RYR2: variants seen among roughly 807,000 people sequenced by gnomAD.
The protein encoded by RYR2 is cardiac muscle ryanodine receptor-calcium release channel.
Under a neutral mutation model 601.1 loss-of-function variants are expected in RYR2, and 227 were observed. The ratio of observed to expected loss-of-function variants is 0.38; its 90% confidence interval spans 0.34 to 0.42. RYR2 has a LOEUF of 0.42. RYR2 is among the 10% of genes least tolerant of loss of function. The pLI is 1.00. For synonymous variants in RYR2, 2,223 were observed against 2,175.1 expected (o/e 1.02, Z -0.61); for missense variants, 4,646 against 6,156.5 (o/e 0.75, Z 8.21).
At position 237,483,222 on chromosome 1, in the gene RYR2, C is replaced by T. The variant is rs115064837; in HGVS notation, c.1709-8584C>T. Among the ~76,000 whole-genome samples the T allele has an allele frequency of 3.8e-3, 583 of 152,282 alleles. 3 individuals are homozygous for T. The highest frequency in any genetic ancestry group is 0.013 in the African/African-American group (546 of 41,550). On this transcript the variant is annotated intron_variant, in intron 17 of 104. Transcript: ENST00000366574. The stretch of plus-strand genomic sequence containing the variant: ...CCATTCAGCATTTCTCTACCTCTTA[C>T]GACTATCATCACTGCTCCACAAAGG...
At chr1:237,715,721 A>T (rs1689214595) in intron 71 of RYR2, among the ~76,000 whole-genome samples, 1 of 152,152 alleles carries the variant, frequency 6.6e-6, no homozygotes, top group Admixed American at 6.5e-5. Flanking sequence ...GAAAACTCCA[A>T]ACCAATACAA....
At position 237,312,447 on chromosome 1, in the gene RYR2, C is replaced by T. The variant is rs528324300; in HGVS notation, c.169-18431C>T. Among the ~76,000 whole-genome samples the T allele has an allele frequency of 7.2e-4, 109 of 152,276 alleles. No individual in the cohort carries two copies. In the Middle Eastern group the frequency reaches 0.01, roughly 14 times the overall value. On this transcript the variant is annotated intron_variant, in intron 2 of 104. Coordinates refer to ENST00000366574, the MANE Select transcript of RYR2 (RefSeq NM_001035.3). ...GAATTTTACAAAAAGTTAAGTGTCC[C>T]GCACTTGCAGTAATAATCTGGAGCT...
At chr1:237,190,501 C>T (rs902256364) in intron 1 of RYR2, among the ~76,000 whole-genome samples, 1 of 151,956 alleles carries the variant, frequency 6.6e-6, no homozygotes, top group African/African-American at 2.4e-5. Context: ...GGTATTAATT[C>T]CTTATCAGAT....
chr1:237,353,659 T>C (rs1036763807), intron 3 of RYR2, among the ~76,000 whole-genome samples: 3 of 152,144 alleles, frequency 2.0e-5, no homozygotes, highest in Non-Finnish European at 4.4e-5. Flanking sequence ...TAAATAACTG[T>C]TGTTTCTTTT....
intron 1 of RYR2, among the ~76,000 whole-genome samples, chr1:237,089,980 G>A (rs866855917): frequency 2.0e-5 from 3 of 152,262 alleles, no homozygotes; most frequent in African/African-American, 7.2e-5. Flanking sequence ...CACATGGCTG[G>A]GGAAGCCTCA....
At position 237,589,587 on chromosome 1, in the gene RYR2, G is replaced by A. The variant is rs529888898; in HGVS notation, c.3599-206G>A. On this transcript the variant is annotated intron_variant, in intron 29 of 104. Transcript: ENST00000366574. ...GGGACTTATCTAGGGCCCACAGCTA[G>A]TAAATTATAATGTCAAGATCAAATC... Among the ~76,000 whole-genome samples the A allele has an allele frequency of 5.3e-5, 8 of 152,262 alleles. No homozygotes were observed. In the South Asian group the frequency reaches 1.5e-3, roughly 28 times the overall value.
intron 48 of RYR2, among the ~76,000 whole-genome samples, chr1:237,645,827 AC>A (rs1416753105): frequency 4.0e-5 from 6 of 149,372 alleles, no homozygotes; most frequent in African/African-American, 1.2e-4. Flanking sequence ...ATGAAAGTTA[AC>A]TTTTAACAAC....
chr1:237,616,299 G>A (rs921426889), intron 37 of RYR2, among the ~76,000 whole-genome samples: 4 of 152,134 alleles, frequency 2.6e-5, no homozygotes, highest in African/African-American at 9.7e-5. Flanking sequence ...AAATTTGGCA[G>A]AGCATTCTCT....
rs55730903 is a variant in RYR2, at chr1:237,400,037, T to TACACACAC, written c.773+11872_773+11879dup. Among the ~76,000 whole-genome samples the TACACACAC allele has an allele frequency of 3.0e-3, 446 of 149,250 alleles. 2 individuals are homozygous for TACACACAC. The highest frequency in any genetic ancestry group is 9.8e-3 in the African/African-American group (396 of 40,530). ...ACAAATGATAAAATGGTTTAGAACT[T>TACACACAC]ACACACACACACACACACACACACA... On this transcript the variant is annotated intron_variant, in intron 10 of 104. Transcript: ENST00000366574.
intron 1 of RYR2, among the ~76,000 whole-genome samples, chr1:237,164,746 G>A (rs1309150281): frequency 2.6e-5 from 4 of 152,132 alleles, no homozygotes. Context: ...CTTTAGTTAT[G>A]TTTATAAATA....
intron 24 of RYR2, among the ~76,000 whole-genome samples, chr1:237,514,410 C>G (rs1666216944): frequency 6.6e-6 from 1 of 152,146 alleles, no homozygotes. Flanking sequence ...TGGTTTTATT[C>G]TCTCTGATGA....
chr1:237,800,176 A>G (rs1205186154), intron 97 of RYR2: 1 of 152,236 alleles, frequency 6.6e-6, no homozygotes, highest in African/African-American at 2.4e-5. Flanking sequence ...AATAAAATAA[A>G]TAAGAAACCA....
rs1287430605 is a variant in RYR2, at chr1:237,117,757, C to G, written c.48+75188C>G. 2.8e-5 allele frequency among the ~76,000 whole-genome samples: 4 copies of G among 141,436 alleles called. No individual in the cohort carries two copies. In the East Asian group the frequency reaches 8.4e-4, roughly 30 times the overall value. 92.8% of individuals were successfully genotyped at this position (141,436 alleles called of 152,430 possible). On this transcript the variant is annotated intron_variant, in intron 1 of 104. Coordinates refer to ENST00000366574, the MANE Select transcript of RYR2 (RefSeq NM_001035.3). ...CTTCTCTTCTCTTCTCTTCTCTTCT[C>G]TGTTCTGAGACAGAGTCTCCCTCTG... is the stretch of plus-strand genomic sequence containing the variant.
chr1:237,632,288 C>T (rs1558100623), intron 42 of RYR2, among the ~76,000 whole-genome samples: 2 of 152,094 alleles, frequency 1.3e-5, no homozygotes, highest in Admixed American at 6.5e-5. Context: ...CACCATCCTC[C>T]ATGACACAGA....
intron 29 of RYR2, among the ~76,000 whole-genome samples, chr1:237,586,867 C>T (rs1216223448): frequency 2.0e-5 from 3 of 151,872 alleles, no homozygotes; most frequent in Non-Finnish European, 4.4e-5. Flanking sequence ...CTACAGGTGC[C>T]CACCACCATG....
chr1:237,829,399 C>T (rs537636333), intron 102 of RYR2, among the ~76,000 whole-genome samples: 65 of 152,248 alleles, frequency 4.3e-4, no homozygotes, highest in African/African-American at 1.5e-3. Context: ...GTTTCTGCAT[C>T]CTCAGCGAGG....
chr1:237,294,894 G>C (rs1184764736), intron 2 of RYR2, among the ~76,000 whole-genome samples: 1 of 152,010 alleles, frequency 6.6e-6, no homozygotes, highest in Non-Finnish European at 1.5e-5. Flanking sequence ...ATAAGGGAGT[G>C]ATATAAATAA....
intron 1 of RYR2, among the ~76,000 whole-genome samples, chr1:237,250,232 T>G (rs1437053927): frequency 6.6e-6 from 1 of 152,178 alleles, no homozygotes; most frequent in African/African-American, 2.4e-5. Flanking sequence ...CCTGATCTTT[T>G]TTGTCTTAGA....
intron 7 of RYR2, among the ~76,000 whole-genome samples, chr1:237,376,749 G>T (rs968964761): frequency 2.6e-5 from 4 of 152,082 alleles, no homozygotes; most frequent in Non-Finnish European, 5.9e-5. Context: ...TCTTTAGAAG[G>T]ATTCTCTTAT....
Sources: allele counts gnomAD v4.1 joint callset (sites outside exome capture counted in the v4.1 genomes callset), GRCh38; gene constraint gnomAD v4.1.1; transcripts MANE v1.5; gene names NCBI Gene and HGNC (gene_info 2026-07-23, HGNC 2026-07-21).